The following HPSE2 variants were observed in gnomAD, a reference collection of about 807,000 sequenced individuals.
The protein encoded by HPSE2 is heparanase 2 (inactive).
In HPSE2, 38 loss-of-function variants were observed where a neutral mutation model predicts 60.5. The ratio of observed to expected loss-of-function variants is 0.63; its 90% confidence interval spans 0.48 to 0.82. The LOEUF is 0.82. Ranked by LOEUF, HPSE2 falls within the 40% of genes least tolerant of loss-of-function variation. The pLI is 0.00. For synonymous variants in HPSE2, 295 were observed against 293.2 expected (o/e 1.01, Z -0.06); for missense variants, 713 against 740.4 (o/e 0.96, Z 0.43).
At chr10:98,519,234 A>G (rs4919232) in intron 9 of HPSE2, among the ~76,000 whole-genome samples, 116,657 of 152,220 alleles carry the variant, frequency 0.77, 49,380 homozygotes, top group East Asian at 0.96. Flanking sequence ...CACCTGTGAT[A>G]TATTGGACAG....
chr10:98,714,677 T>G (rs1354177496), intron 5 of HPSE2, among the ~76,000 whole-genome samples: 3 of 151,948 alleles, frequency 2.0e-5, no homozygotes, highest in African/African-American at 7.2e-5. Context: ...CAAGTTTTTG[T>G]GTGGATATAT....
chr10:99,139,223 G>A (rs959386639), intron 3 of HPSE2, among the ~76,000 whole-genome samples: 25 of 152,276 alleles, frequency 1.6e-4, no homozygotes, highest in African/African-American at 6.0e-4. Context: ...TTATAAGAGA[G>A]AGCTAAGCTA....
chr10:99,028,350 A>ACTGTT (rs1309756862), intron 3 of HPSE2, among the ~76,000 whole-genome samples: 2 of 152,210 alleles, frequency 1.3e-5, no homozygotes, highest in African/African-American at 2.4e-5. Context: ...ATATGTCAAC[A>ACTGTT]GTGAAAAATG....
chr10:99,301,181 A>C, the HPSE2 span, among the ~76,000 whole-genome samples: 1 of 152,124 alleles, frequency 6.6e-6, no homozygotes, highest in Non-Finnish European at 1.5e-5. Context: ...GCTGCATCTC[A>C]GCTTACCTAG....
chr10:98,937,557 C>A lies in HPSE2; in HGVS notation c.611-193501G>T, dbSNP rs1359538212. On this transcript the variant is annotated intron_variant, in intron 3 of 11. Transcript: ENST00000370552. Reference sequence around the variant, plus strand: ...GGAGGGGTGCCCACCATTGCCCAGGCTTTCTTAGGTAAACAAAGCAGCCTG... The same window carrying A: ...GGAGGGGTGCCCACCATTGCCCAGGATTTCTTAGGTAAACAAAGCAGCCTG... Among the ~76,000 whole-genome samples, 3 of 144,316 alleles carry A rather than the reference C, an allele frequency of 2.1e-5. No individual in the cohort carries two copies. In the East Asian group the frequency reaches 5.9e-4, roughly 28 times the overall value. 94.7% of individuals were successfully genotyped at this position (144,316 alleles called of 152,430 possible).
intron 2 of HPSE2, 35 bp from the exon 3 acceptor site, chr10:99,144,434 A>C (rs559927206): frequency 6.2e-7 from 1 of 1,608,412 alleles, no homozygotes; most frequent in South Asian, 1.1e-5. Flanking sequence ...GGCAGCAAAA[A>C]CTAAAACAAA....
intron 3 of HPSE2, among the ~76,000 whole-genome samples, chr10:98,794,674 C>A (rs1950733694): frequency 6.6e-6 from 1 of 151,952 alleles, no homozygotes; most frequent in African/African-American, 2.4e-5. Context: ...TTTGATGTTT[C>A]TTTGAGATTA....
intron 3 of HPSE2, among the ~76,000 whole-genome samples, chr10:98,963,452 T>C (rs1256759959): frequency 1.3e-5 from 2 of 152,176 alleles, no homozygotes; most frequent in African/African-American, 4.8e-5. Context: ...GTTGCTAAGC[T>C]TTCTTTTACA....
chr10:99,241,421 A>G, the HPSE2 span, among the ~76,000 whole-genome samples: 1 of 152,212 alleles, frequency 6.6e-6, no homozygotes, highest in East Asian at 1.9e-4. Context: ...GAGTAAAGCA[A>G]TAATTAGTAA....
chr10:98,513,551 T>TA (rs1942492294), intron 9 of HPSE2, among the ~76,000 whole-genome samples: 1 of 152,160 alleles, frequency 6.6e-6, no homozygotes, highest in Non-Finnish European at 1.5e-5. Context: ...AAAGCAATCA[T>TA]AAACTTGCAC....
chr10:98,570,575 TA>T (rs921445069), intron 9 of HPSE2, among the ~76,000 whole-genome samples: 2 of 151,978 alleles, frequency 1.3e-5, no homozygotes, highest in Non-Finnish European at 2.9e-5. Flanking sequence ...GGCATTAGAA[TA>T]AAAAAACAGC....
chr10:99,265,138 C>T, the HPSE2 span, among the ~76,000 whole-genome samples: 1 of 152,132 alleles, frequency 6.6e-6, no homozygotes, highest in Non-Finnish European at 1.5e-5. Context: ...GTGATTTGTT[C>T]CTGCCGCACC....
intron 3 of HPSE2, among the ~76,000 whole-genome samples, chr10:98,987,230 C>T (rs1221080042): frequency 9.2e-5 from 14 of 152,122 alleles, no homozygotes; most frequent in Middle Eastern, 3.4e-3. Flanking sequence ...TAATGAACAT[C>T]GACGCAAAAA....
chr10:99,186,933 C>T (rs1287176096), intron 2 of HPSE2, among the ~76,000 whole-genome samples: 6 of 151,988 alleles, frequency 3.9e-5, no homozygotes, highest in African/African-American at 7.3e-5. Flanking sequence ...TAAGCACACA[C>T]TCCCATGCCC....
chr10:99,029,387 G>T (rs1957447662), intron 3 of HPSE2, among the ~76,000 whole-genome samples: 1 of 152,182 alleles, frequency 6.6e-6, no homozygotes, highest in South Asian at 2.1e-4. Context: ...AAGACAAAGA[G>T]ATAAAAGAAA....
chr10:99,059,355 T>C (rs1462155655), intron 3 of HPSE2, among the ~76,000 whole-genome samples: 1 of 152,236 alleles, frequency 6.6e-6, no homozygotes, highest in Admixed American at 6.5e-5. Flanking sequence ...GATCAGCAGA[T>C]GTCTGGAAGT....
intron 10 of HPSE2, among the ~76,000 whole-genome samples, chr10:98,487,180 T>G (rs1330857512): frequency 6.6e-6 from 1 of 152,238 alleles, no homozygotes; most frequent in Non-Finnish European, 1.5e-5. Context: ...AACTTGATTG[T>G]TCTCTGAACA....
At position 98,642,450 on chromosome 10, in the gene HPSE2, C is replaced by T. The variant is rs139672088; in HGVS notation, c.1005-510G>A. ...TGAGTCTCCAGCTCATTCCTGTGGG[C>T]GAACACTCTGTAGTCAACCTACTAC... On this transcript the variant is annotated intron_variant, in intron 6 of 11. Coordinates refer to ENST00000370552, the MANE Select transcript of HPSE2 (RefSeq NM_021828.5). Among the ~76,000 whole-genome samples the T allele has an allele frequency of 1.3e-3, 200 of 152,242 alleles. 1 individual carries two copies. Among genetic ancestry groups the T allele is most frequent in the African/African-American group, 4.7e-3 (196 of 41,538 alleles).
chr10:98,947,627 A>G (rs1398438539), intron 3 of HPSE2, among the ~76,000 whole-genome samples: 1 of 152,154 alleles, frequency 6.6e-6, no homozygotes, highest in Non-Finnish European at 1.5e-5. Flanking sequence ...ATTTATTAGT[A>G]AGAAAGAGAA....
Sources: gnomAD v4.1 joint callset for allele counts (sites outside exome capture counted in the v4.1 genomes callset) on GRCh38, gnomAD v4.1.1 for gene constraint, MANE v1.5 for transcripts, NCBI Gene and HGNC (gene_info 2026-07-23, HGNC 2026-07-21) for gene names.